Variants in LARGE1 observed in about 807,000 individuals in gnomAD.
The protein encoded by LARGE1 is LARGE xylosyl- and glucuronyltransferase 1.
Under a neutral mutation model 87.6 loss-of-function variants are expected in LARGE1, and 43 were observed. The observed-to-expected ratio is 0.49, with a 90% CI of 0.38 to 0.63. The LOEUF (loss-of-function observed/expected upper bound fraction) is 0.63, where lower values mean the gene tolerates loss of function less well. LARGE1 is among the 30% of genes least tolerant of loss of function. The pLI is 0.00. For missense variants in LARGE1, 802 were observed against 1,000.2 expected (o/e 0.80, Z 2.67); for synonymous variants, 434 against 394.6 (o/e 1.10, Z -1.18).
chr22:33,456,585 G>A (rs1016392735), intron 6 of LARGE1, among the ~76,000 whole-genome samples: 118 of 152,144 alleles, frequency 7.8e-4, no homozygotes, highest in African/African-American at 2.7e-3. Flanking sequence ...CTATTGAAGT[G>A]TCATTGAATG....
intron 11 of LARGE1, among the ~76,000 whole-genome samples, chr22:33,261,020 T>C (rs1602163604): frequency 6.6e-6 from 1 of 152,298 alleles, no homozygotes; most frequent in East Asian, 1.9e-4. Flanking sequence ...GGAAGAACCA[T>C]GCCTGGCATG....
At chr22:33,469,189 C>T (rs1191821389) in intron 6 of LARGE1, among the ~76,000 whole-genome samples, 1 of 151,996 alleles carries the variant, frequency 6.6e-6, no homozygotes, top group Non-Finnish European at 1.5e-5. Flanking sequence ...GGGTATATAC[C>T]CAAAGGAGTA....
intron 10 of LARGE1, among the ~76,000 whole-genome samples, chr22:33,333,663 T>C (rs1938037268): frequency 1.3e-5 from 2 of 152,364 alleles, no homozygotes; most frequent in East Asian, 3.9e-4. Flanking sequence ...TATTAGGTGC[T>C]TATTATGTGC....
At chr22:33,746,064 T>A (rs1448785640) in intron 2 of LARGE1, among the ~76,000 whole-genome samples, 2 of 152,184 alleles carry the variant, frequency 1.3e-5, no homozygotes, top group African/African-American at 2.4e-5. Flanking sequence ...TGTTCCCCCA[T>A]CTGCACAATA....
At chr22:33,082,862 A>G in the LARGE1 span, among the ~76,000 whole-genome samples, 1 of 152,130 alleles carries the variant, frequency 6.6e-6, no homozygotes, top group Non-Finnish European at 1.5e-5. Flanking sequence ...CATCTCTACT[A>G]AAAATACAAA....
At chr22:33,597,381 G>A (rs945357656) in intron 5 of LARGE1, among the ~76,000 whole-genome samples, 8 of 151,734 alleles carry the variant, frequency 5.3e-5, no homozygotes, top group African/African-American at 1.9e-4. Flanking sequence ...AAAATGTCCA[G>A]TATTCAGGAA....
chr22:33,137,027 T>C, the LARGE1 span: 1 of 152,060 alleles, frequency 6.6e-6, no homozygotes, highest in African/African-American at 2.4e-5. Flanking sequence ...GCCCACTGAG[T>C]TGTCAGCTTC....
chr22:33,331,053 T>C (rs1937629030), intron 10 of LARGE1, among the ~76,000 whole-genome samples: 1 of 152,154 alleles, frequency 6.6e-6, no homozygotes, highest in South Asian at 2.1e-4. Context: ...ACCTAAAGCC[T>C]ATGTGTGGAA....
the LARGE1 span, among the ~76,000 whole-genome samples, chr22:33,090,925 C>A: frequency 6.6e-6 from 1 of 152,184 alleles, no homozygotes; most frequent in Non-Finnish European, 1.5e-5. Context: ...CCCAAGGCAG[C>A]CCTCTTTCCA....
At chr22:33,866,708 G>A (rs578231936) in intron 1 of LARGE1, among the ~76,000 whole-genome samples, 7 of 152,158 alleles carry the variant, frequency 4.6e-5, no homozygotes, top group South Asian at 2.1e-4. Flanking sequence ...TAGAATGGAC[G>A]ACAGACACCC....
the LARGE1 span, among the ~76,000 whole-genome samples, chr22:33,102,820 C>A: frequency 1.3e-5 from 2 of 152,136 alleles, no homozygotes; most frequent in Admixed American, 1.3e-4. Context: ...AGCCTGCACT[C>A]CCGGCCCTTT....
At chr22:33,795,996 T>TA (rs3072310) in intron 1 of LARGE1, among the ~76,000 whole-genome samples, 49,383 of 143,252 alleles carry the variant, frequency 0.34, 8,295 homozygotes, top group East Asian at 0.46. Flanking sequence ...CTTAAAGTAT[T>TA]AAAAAAAAAA....
At chr22:33,229,644 G>C (rs1300788674) in intron 11 of LARGE1, among the ~76,000 whole-genome samples, 1 of 151,980 alleles carries the variant, frequency 6.6e-6, no homozygotes, top group South Asian at 2.1e-4. Flanking sequence ...AACATAAGAA[G>C]GTGCAAGGAC....
chr22:33,642,051 C>T (rs1211183274), intron 3 of LARGE1, among the ~76,000 whole-genome samples: 2 of 151,954 alleles, frequency 1.3e-5, no homozygotes, highest in African/African-American at 4.8e-5. Flanking sequence ...GATAGTCTTC[C>T]AGAAAGGCAA....
intron 10 of LARGE1, among the ~76,000 whole-genome samples, chr22:33,324,631 C>A (rs1311216592): frequency 6.6e-6 from 1 of 152,184 alleles, no homozygotes; most frequent in Middle Eastern, 3.2e-3. Flanking sequence ...TCTTTAAGGA[C>A]AGTGGCCTAG....
In LARGE1 at chr22:33,185,079, A is replaced by G. The variant is rs967758984; in HGVS notation, c.1731-18247T>C. 5.3e-5 allele frequency among the ~76,000 whole-genome samples: 8 copies of G among 152,292 alleles called. No homozygotes were observed. In the South Asian group the frequency reaches 8.3e-4, roughly 16 times the overall value. On this transcript the variant is annotated intron_variant, in intron 11 of 11. Coordinates refer to the LARGE1 transcript ENST00000608642. Reference sequence around the variant, plus strand: ...ATTTATCTAAGTGAATTAAAAACTTATGGTCACACAAAAACCTTTATTTGA... The same window carrying G: ...ATTTATCTAAGTGAATTAAAAACTTGTGGTCACACAAAAACCTTTATTTGA...
At chr22:33,231,416 C>T (rs1926000331) in intron 11 of LARGE1, among the ~76,000 whole-genome samples, 1 of 152,168 alleles carries the variant, frequency 6.6e-6, no homozygotes. Context: ...AAAATTATGA[C>T]ACATTTCATA....
At chr22:33,628,592 A>G (rs2149085871) in intron 3 of LARGE1, among the ~76,000 whole-genome samples, 1 of 152,290 alleles carries the variant, frequency 6.6e-6, no homozygotes, top group African/African-American at 2.4e-5. Flanking sequence ...CTGAGATTAC[A>G]GGTATAAGCC....
chr22:33,292,867 G>A (rs759530960), intron 12 of LARGE1, among the ~76,000 whole-genome samples: 9 of 152,052 alleles, frequency 5.9e-5, no homozygotes, highest in Non-Finnish European at 1.2e-4. Flanking sequence ...TTAACACCCC[G>A]GGCTTTTGTT....
Sources: allele counts gnomAD v4.1 joint callset (sites outside exome capture counted in the v4.1 genomes callset), GRCh38; gene constraint gnomAD v4.1.1; transcripts MANE v1.5; gene names NCBI Gene and HGNC (gene_info 2026-07-23, HGNC 2026-07-21).